HACE1: variants seen among roughly 807,000 people sequenced by gnomAD.
HACE1 encodes the protein E3 ubiquitin-protein ligase HACE1.
A neutral mutation model predicts 118.4 loss-of-function variants in HACE1; 73 were observed. That is an observed-to-expected ratio of 0.62 (90% CI 0.51 to 0.75). The LOEUF is 0.75. Ranked by LOEUF, HACE1 falls within the 30% of genes least tolerant of loss-of-function variation. The pLI is 0.00. For synonymous variants in HACE1, 368 were observed against 374.8 expected (o/e 0.98, Z 0.21); for missense variants, 749 against 1,102.2 (o/e 0.68, Z 4.54).
chr6:104,757,951 C>T (rs9499954), intron 19 of HACE1, among the ~76,000 whole-genome samples: 85,373 of 151,838 alleles, frequency 0.56, 25,625 homozygotes, highest in African/African-American at 0.79. Context: ...ATGTCAATGA[C>T]TGAAGATCAA....
rs1256160839 is a variant in HACE1, at chr6:104,730,508, C to T, written c.2514-92G>A. On this transcript the variant is annotated intron_variant, in intron 22 of 23. Coordinates refer to ENST00000262903, the MANE Select transcript of HACE1 (RefSeq NM_020771.4). Reference sequence around the variant, plus strand: ...GTTCTAAGTTAGGGTAGGAATATATCCAACTCTAGGACAATGACAACACGA... The same window carrying T: ...GTTCTAAGTTAGGGTAGGAATATATTCAACTCTAGGACAATGACAACACGA... 3 of 733,816 alleles carry T rather than the reference C, an allele frequency of 4.1e-6. No homozygotes were observed. The Admixed American group carries it at 5.7e-5, about 14-fold the overall frequency. The allele number at this position is 733,816 out of a possible 1,614,324, so 45.5% of individuals were successfully genotyped here. A position where few individuals can be genotyped will look rare whatever the true frequency, so the allele number is the denominator to read the frequency against.
At chr6:104,808,262 G>A (rs961140845) in intron 7 of HACE1, among the ~76,000 whole-genome samples, 2 of 151,964 alleles carry the variant, frequency 1.3e-5, no homozygotes, top group African/African-American at 2.4e-5. Flanking sequence ...TAAATTAAAT[G>A]AGGACAACAC....
At position 104,730,573 on chromosome 6, in the gene HACE1, T is replaced by G. The variant is rs1045952847; in HGVS notation, c.2514-157A>C. The G allele has an allele frequency of 5.2e-5, 33 of 629,860 alleles. No individual in the cohort carries two copies. The East Asian group carries it at 7.1e-4, about 14-fold the overall frequency. The allele number at this position is 629,860 out of a possible 1,614,324, so 39.0% of individuals were successfully genotyped here. A position where few individuals can be genotyped will look rare whatever the true frequency, so the allele number is the denominator to read the frequency against. Reference sequence around the variant, plus strand: ...CAAAACTCCAATTCATTACTGTAAGTTGCTTTGTGATTAGTTAGCAAGCTT... The same window carrying G: ...CAAAACTCCAATTCATTACTGTAAGGTGCTTTGTGATTAGTTAGCAAGCTT... On this transcript the variant is annotated intron_variant, in intron 22 of 23. Transcript: ENST00000262903.
chr6:104,844,429 C>T (rs754806754), intron 4 of HACE1, among the ~76,000 whole-genome samples: 55 of 149,744 alleles, frequency 3.7e-4, no homozygotes, highest in Non-Finnish European at 6.8e-4. Flanking sequence ...CTGCAACCTC[C>T]GCCTCCCAGG....
chr6:104,763,312 T>A (rs567576559), intron 19 of HACE1, among the ~76,000 whole-genome samples: 1 of 152,270 alleles, frequency 6.6e-6, no homozygotes, highest in East Asian at 1.9e-4. Flanking sequence ...ACAGATTGAG[T>A]ATCCCTTATC....
chr6:104,850,877 G>C (rs1403355084), intron 3 of HACE1, 30 bp downstream of exon 3: 1 of 1,298,772 alleles, frequency 7.7e-7, no homozygotes, highest in East Asian at 2.3e-5. Flanking sequence ...CCCTAGATCA[G>C]AGTTTAACTC....
intron 6 of HACE1, among the ~76,000 whole-genome samples, chr6:104,817,272 G>A (rs1562439091): frequency 6.6e-6 from 1 of 152,142 alleles, no homozygotes; most frequent in Admixed American, 6.5e-5. Context: ...CGTCAAATTG[G>A]AAGAGAGGTC....
At chr6:104,766,414 T>C (rs1167342770) in intron 19 of HACE1, among the ~76,000 whole-genome samples, 1 of 152,164 alleles carries the variant, frequency 6.6e-6, no homozygotes, top group Non-Finnish European at 1.5e-5. Flanking sequence ...ACTCGAAAAG[T>C]TTCAGACTCT....
intron 17 of HACE1, among the ~76,000 whole-genome samples, chr6:104,774,238 C>T (rs1183211974): frequency 2.4e-5 from 3 of 126,892 alleles, no homozygotes; most frequent in African/African-American, 7.0e-5. Flanking sequence ...TACAGGCGCC[C>T]GCCACTACGC....
chr6:104,777,277 T>A lies in HACE1; in HGVS notation c.1607A>T (p.His536Leu). 1 of 1,613,716 alleles carries A rather than the reference T, an allele frequency of 6.2e-7. No individual in the cohort carries two copies. Among genetic ancestry groups the A allele is most frequent in the East Asian group, 2.2e-5 (1 of 44,854 alleles). The change falls in exon 15 of 24, where the codon CAT becomes CTT. Residue 536 changes from histidine (H) to leucine (L), a missense_variant. Transcript: ENST00000262903. ...CATATCTGAATCTGGCTGTCCTGAA[T>A]GCAAATGTTCATAGAACCATTCACA... ...DRCEWFYEHL[H>L]SGQPDSDMVH...
At chr6:104,842,369 G>C (rs1439758526) in intron 5 of HACE1, 1 of 152,162 alleles carries the variant, frequency 6.6e-6, no homozygotes, top group Non-Finnish European at 1.5e-5. Context: ...ACTTTGGGAG[G>C]CCGGCGGGTG....
Position 104,791,524 on chromosome 6 carries a change from G to A in HACE1, c.1054C>T (p.Pro352Ser). The change falls in exon 11 of 24, where the codon CCA becomes TCA. Residue 352 changes from proline (P) to serine (S), a missense_variant. Pro to Ser is a moderately conservative substitution (Grantham distance 74). Transcript: ENST00000262903. ...IDMGYNGNKT[P>S]RSQVFKPLEL... Reference sequence around the variant, plus strand: ...CTCACCTTGAACACCTGGCTTCTTGGAGTTTTATTCCCATTGTAGCCCATA... The same window carrying A: ...CTCACCTTGAACACCTGGCTTCTTGAAGTTTTATTCCCATTGTAGCCCATA... The A allele has an allele frequency of 2.5e-6, 4 of 1,613,194 alleles. No individual in the cohort carries two copies. The highest frequency in any genetic ancestry group is 3.4e-6 in the Non-Finnish European group (4 of 1,179,312).
At chr6:104,844,226 G>A (rs1562496290) in intron 4 of HACE1, among the ~76,000 whole-genome samples, 1 of 151,612 alleles carries the variant, frequency 6.6e-6, no homozygotes, top group South Asian at 2.1e-4. Flanking sequence ...TAGTAGAAAC[G>A]GGGTTTCACC....
intron 14 of HACE1, among the ~76,000 whole-genome samples, chr6:104,783,462 C>A (rs1781965258): frequency 6.6e-6 from 1 of 152,202 alleles, no homozygotes; most frequent in Non-Finnish European, 1.5e-5. Context: ...TTATTCTGGA[C>A]AATAGTTCTA....
intron 19 of HACE1, among the ~76,000 whole-genome samples, chr6:104,765,332 G>T (rs1371078848): frequency 6.6e-6 from 1 of 152,168 alleles, no homozygotes; most frequent in African/African-American, 2.4e-5. Flanking sequence ...GAGAACACAG[G>T]CTTTTGCCTA....
intron 6 of HACE1, among the ~76,000 whole-genome samples, chr6:104,826,596 C>G (rs1338451232): frequency 6.6e-6 from 1 of 152,180 alleles, no homozygotes; most frequent in Non-Finnish European, 1.5e-5. Context: ...TATGGCTTCT[C>G]ATTTACTTGC....
intron 10 of HACE1, among the ~76,000 whole-genome samples, chr6:104,794,380 G>T (rs1562385017): frequency 6.6e-6 from 1 of 152,012 alleles, no homozygotes; most frequent in South Asian, 2.1e-4. Context: ...GTATTATAGG[G>T]TACTTAAAAT....
At chr6:104,835,138 A>G (rs537542894) in intron 5 of HACE1, among the ~76,000 whole-genome samples, 2 of 152,360 alleles carry the variant, frequency 1.3e-5, no homozygotes, top group East Asian at 3.9e-4. Flanking sequence ...GTAAATGCCT[A>G]AAGAAATCGA....
chr6:104,735,300 C>T (rs1362560155), intron 22 of HACE1, among the ~76,000 whole-genome samples: 1 of 151,860 alleles, frequency 6.6e-6, no homozygotes, highest in East Asian at 1.9e-4. Context: ...GTAATTCATA[C>T]CACACACAAA....
Sources: gnomAD v4.1 joint callset for allele counts (sites outside exome capture counted in the v4.1 genomes callset) on GRCh38, gnomAD v4.1.1 for gene constraint, MANE v1.5 for transcripts, NCBI Gene and HGNC (gene_info 2026-07-23, HGNC 2026-07-21) for gene names.